DIAPH3: variants seen among roughly 807,000 people sequenced by gnomAD.
DIAPH3 encodes protein diaphanous homolog 3.
A neutral mutation model predicts 144.3 loss-of-function variants in DIAPH3; 117 were observed. The observed-to-expected ratio is 0.81, with a 90% confidence interval of 0.70 to 0.95. The LOEUF is 0.95. Among genes scored for constraint, DIAPH3 ranks in the 40% least tolerant of loss-of-function variants. The pLI, the probability that DIAPH3 is intolerant of heterozygous loss-of-function variation, is 0.00. For missense variants in DIAPH3, 1,421 were observed against 1,412.7 expected, an observed-to-expected ratio of 1.01 and a Z score of -0.09; for synonymous variants, 519 against 488.9, an observed-to-expected ratio of 1.06 and a Z score of -0.81.
rs114556364 is a variant in DIAPH3 at position 59,676,725 on chromosome 13, A to T, written c.3320-9879T>A. ...TGCAGTACTGTAAAACAATACAATT[A>T]TATGTTCATAGACTCCTAAAAAATT... On this transcript the variant is annotated intron_variant, in intron 27 of 27. Transcript: ENST00000400324. Among the ~76,000 whole-genome samples the T allele has an allele frequency of 3.7e-3, 570 of 152,302 alleles. 2 individuals are homozygous for T. The highest frequency in any genetic ancestry group is 0.013 in the African/African-American group (547 of 41,576).
At chr13:59,846,794 T>G (rs915244108) in intron 22 of DIAPH3, among the ~76,000 whole-genome samples, 1 of 152,150 alleles carries the variant, frequency 6.6e-6, no homozygotes, top group African/African-American at 2.4e-5. Flanking sequence ...GAAACTGTGC[T>G]GCCGGGTGCA....
chr13:59,763,378 C>T (rs1190684397), intron 27 of DIAPH3, among the ~76,000 whole-genome samples: 2 of 151,768 alleles, frequency 1.3e-5, no homozygotes, highest in African/African-American at 2.4e-5. Flanking sequence ...TTCCTTTCAT[C>T]ATTGAAATAG....
intron 14 of DIAPH3, among the ~76,000 whole-genome samples, chr13:59,976,179 T>A (rs2050672507): frequency 6.6e-6 from 1 of 151,998 alleles, no homozygotes; most frequent in Non-Finnish European, 1.5e-5. Flanking sequence ...TCTGACCTGT[T>A]GAACTCTGTT....
chr13:59,766,936 T>G (rs1376256076), intron 27 of DIAPH3, among the ~76,000 whole-genome samples: 1 of 152,188 alleles, frequency 6.6e-6, no homozygotes, highest in Non-Finnish European at 1.5e-5. Context: ...CGGGTGCTTA[T>G]CCATCCTTTT....
Position 59,747,839 on chromosome 13 carries a change from G to T in DIAPH3, c.3319+26350C>A, listed in dbSNP as rs567535410. On this transcript the variant is annotated intron_variant, in intron 27 of 27. Transcript: ENST00000400324. Reference sequence around the variant, plus strand: ...ATTTTGGTTCCTAGATTTCTTTTCCGCATAGTCAACTCTTCCTTCCTAGGT... The same window carrying T: ...ATTTTGGTTCCTAGATTTCTTTTCCTCATAGTCAACTCTTCCTTCCTAGGT... Among the ~76,000 whole-genome samples, 13 of 152,282 alleles carry T rather than the reference G, an allele frequency of 8.5e-5. No individual in the cohort carries two copies. The East Asian group carries it at 1.4e-3, about 16-fold the overall frequency.
chr13:60,117,494 C>T (rs2058731565), intron 2 of DIAPH3, among the ~76,000 whole-genome samples: 1 of 152,030 alleles, frequency 6.6e-6, no homozygotes, highest in Non-Finnish European at 1.5e-5. Flanking sequence ...CTAATGAATA[C>T]CTGAGGCTAA....
At chr13:59,971,381 A>G (rs2050367607) in intron 15 of DIAPH3, among the ~76,000 whole-genome samples, 1 of 152,180 alleles carries the variant, frequency 6.6e-6, no homozygotes, top group South Asian at 2.1e-4. Flanking sequence ...TGCCAGAAGT[A>G]TAATTCCCTG....
intron 27 of DIAPH3, among the ~76,000 whole-genome samples, chr13:59,669,169 C>T (rs573935214): frequency 1.2e-3 from 182 of 152,278 alleles, no homozygotes; most frequent in African/African-American, 4.1e-3. Flanking sequence ...ACTGAATTCT[C>T]GCAACAGCTT....
chr13:59,802,667 ATTTT>A (rs71089516), intron 25 of DIAPH3, among the ~76,000 whole-genome samples: 97 of 23,758 alleles, frequency 4.1e-3, no homozygotes, highest in African/African-American at 0.014. Context: ...TATTATTATT[ATTTT>A]TTTTTTTTTT....
chr13:59,963,787 G>C lies in DIAPH3; in HGVS notation c.2074+6157C>G, dbSNP rs1229851965. Among the ~76,000 whole-genome samples the C allele has an allele frequency of 3.9e-5, 6 of 152,134 alleles. No individual in the cohort carries two copies. In the East Asian group the frequency reaches 1.2e-3, roughly 29 times the overall value. On this transcript the variant is annotated intron_variant, in intron 17 of 27. Transcript: ENST00000400324. ...TGCCCAGGCTGGTCATGAACTCCTG[G>C]CCTCAAGCAATCCTCCTGTCTTGGC...
At chr13:59,866,091 C>T (rs2043902130) in intron 21 of DIAPH3, among the ~76,000 whole-genome samples, 1 of 151,808 alleles carries the variant, frequency 6.6e-6, no homozygotes. Flanking sequence ...TGTAATGGCA[C>T]CATTACCATT....
At chr13:59,996,519 G>C (rs2052198103) in intron 9 of DIAPH3, among the ~76,000 whole-genome samples, 1 of 152,002 alleles carries the variant, frequency 6.6e-6, no homozygotes. Flanking sequence ...GGATAGTTGA[G>C]GATTTCCTTA....
chr13:59,858,143 G>A (rs1296758383), intron 22 of DIAPH3, among the ~76,000 whole-genome samples: 3 of 152,106 alleles, frequency 2.0e-5, no homozygotes, highest in Non-Finnish European at 4.4e-5. Flanking sequence ...GTGGTATTAT[G>A]GGAATTGAAA....
chr13:59,887,654 G>A (rs1011930778), intron 20 of DIAPH3, among the ~76,000 whole-genome samples: 1 of 151,988 alleles, frequency 6.6e-6, no homozygotes, highest in African/African-American at 2.4e-5. Flanking sequence ...CATTTGATAT[G>A]CGTTTAAAAA....
intron 3 of DIAPH3, among the ~76,000 whole-genome samples, chr13:60,111,100 TG>T (rs1186892888): frequency 6.6e-6 from 1 of 152,132 alleles, no homozygotes; most frequent in Non-Finnish European, 1.5e-5. Context: ...ATCTCATGGA[TG>T]GATAACCTAG....
Position 59,911,723 on chromosome 13 carries a change from C to T in DIAPH3, c.2367+12G>A. ...CACAGTATAAAAATCCTCTCTGAGA[C>T]TCGGTACTTACCACAACCACAAACT... On this transcript the variant is annotated intron_variant, in intron 20 of 27. Transcript: ENST00000400324. 1 of 1,603,934 alleles carries T rather than the reference C, an allele frequency of 6.2e-7. No homozygotes were observed. The highest frequency in any genetic ancestry group is 8.5e-7 in the Non-Finnish European group (1 of 1,171,016).
chr13:60,038,372 C>T (rs955031095), intron 5 of DIAPH3, among the ~76,000 whole-genome samples: 1 of 152,110 alleles, frequency 6.6e-6, no homozygotes, highest in Non-Finnish European at 1.5e-5. Flanking sequence ...AATGAGTACA[C>T]TGATCTCACT....
intron 1 of DIAPH3, among the ~76,000 whole-genome samples, chr13:60,152,648 G>A (rs2138414132): frequency 6.6e-6 from 1 of 151,778 alleles, no homozygotes; most frequent in East Asian, 1.9e-4. Flanking sequence ...CATTTCAATG[G>A]AATTTATGAT....
intron 22 of DIAPH3, among the ~76,000 whole-genome samples, chr13:59,841,101 G>A (rs1013239871): frequency 7.9e-5 from 12 of 151,884 alleles, no homozygotes; most frequent in African/African-American, 2.9e-4. Flanking sequence ...TACTCTTCCC[G>A]TTTCCAACTT....
Sources: allele counts gnomAD v4.1 joint callset (sites outside exome capture counted in the v4.1 genomes callset), GRCh38; gene constraint gnomAD v4.1.1; transcripts MANE v1.5; gene names NCBI Gene and HGNC (gene_info 2026-07-23, HGNC 2026-07-21).